INKA2: variants seen among roughly 807,000 people sequenced by gnomAD.
INKA2 encodes the protein inka box actin regulator 2.
INKA2 carries 3 observed loss-of-function variants against 9.8 expected under a neutral mutation model. The ratio of observed to expected loss-of-function variants is 0.31; its 90% CI spans 0.14 to 0.79. The LOEUF is 0.79. Ranked by LOEUF, INKA2 falls within the 30% of genes least tolerant of loss-of-function variation. The pLI is 0.62. For missense variants in INKA2, 392 were observed against 384.4 expected (o/e 1.02, Z -0.17); for synonymous variants, 147 against 143.3 (o/e 1.03, Z -0.18).
At chr1:111,735,345 A>T (rs892444379) in intron 1 of INKA2, among the ~76,000 whole-genome samples, 2 of 152,248 alleles carry the variant, frequency 1.3e-5, no homozygotes, top group African/African-American at 4.8e-5. Flanking sequence ...AGTGCCTACG[A>T]TATGACACAT....
chr1:111,743,947 T>A (rs1274491659), upstream of INKA2, among the ~76,000 whole-genome samples: 2 of 152,206 alleles, frequency 1.3e-5, no homozygotes, highest in Admixed American at 1.3e-4. Context: ...TGTTCAGATA[T>A]CACTGCGGAA....
intron 1 of INKA2, 41 bp downstream of exon 1, chr1:111,739,145 C>T (rs756706824): frequency 1.7e-5 from 27 of 1,596,038 alleles, no homozygotes; most frequent in Non-Finnish European, 2.3e-5. Flanking sequence ...CCCGTCGGGG[C>T]GGAGCAGCCC....
chr1:111,727,928 C>T, intron 1 of INKA2, 124 bp from the exon 2 acceptor site: 1 of 876,040 alleles, frequency 1.1e-6, no homozygotes, highest in Non-Finnish European at 1.9e-6. Context: ...TGCCACCAGC[C>T]CCATCTCTCT....
At chr1:111,730,038 C>G (rs146918398) in intron 1 of INKA2, among the ~76,000 whole-genome samples, 114 of 152,338 alleles carry the variant, frequency 7.5e-4, no homozygotes, top group Non-Finnish European at 1.5e-3. Flanking sequence ...AGAGTTTTCA[C>G]CAGTTGAATG....
chr1:111,727,300 G>T lies in INKA2; in HGVS notation c.562C>A (p.Arg188Ser). Residue 188 changes from arginine (R) to serine (S), a missense_variant, in exon 2 of 2, where the codon CGT becomes AGT. Arg to Ser is a moderately radical substitution (Grantham distance 110). Coordinates refer to ENST00000357260, the MANE Select transcript of INKA2 (RefSeq NM_019099.5). ...TGGCCTTTCTCTCCTTTGGGTTCAC[G>T]TGCCCCCCCAGTCTCACCCTTCTCC... ...GGEKGETGGA[R>S]EPKGEKGQPQ... is the part of the protein sequence containing the mutation. 6.2e-7 allele frequency: 1 copy of T among 1,614,106 alleles called. No individual in the cohort carries two copies. The highest frequency in any genetic ancestry group is 2.2e-5 in the East Asian group (1 of 44,884).
intron 1 of INKA2, among the ~76,000 whole-genome samples, chr1:111,730,573 A>G (rs1662883697): frequency 6.6e-6 from 1 of 152,102 alleles, no homozygotes; most frequent in Admixed American, 6.6e-5. Context: ...TGCAGTCAAG[A>G]TCCTCCAGGA....
chr1:111,749,555 C>G (rs894395801), intron 1 of INKA2, among the ~76,000 whole-genome samples: 1 of 152,234 alleles, frequency 6.6e-6, no homozygotes, highest in Non-Finnish European at 1.5e-5. Flanking sequence ...ATTTCCCTCT[C>G]TTTTCAGGAA....
At position 111,727,005 on chromosome 1, in the gene INKA2, G is replaced by A. The variant is rs1312899005; in HGVS notation, c.857C>T (p.Pro286Leu). Residue 286 changes from proline (P) to leucine (L), a missense_variant, in exon 2 of 2, where the codon CCC becomes CTC. Transcript: ENST00000357260. ...TSCPKALEHS[P>L]SGFDINTAVW... ...AGCTGTGTTAATATCAAATCCTGAGGGTGAGTGCTCCAGGGCCTTGGGGCA... is the reference window on the plus strand; with the variant it reads ...AGCTGTGTTAATATCAAATCCTGAGAGTGAGTGCTCCAGGGCCTTGGGGCA... The A allele has an allele frequency of 1.2e-6, 2 of 1,613,940 alleles. No individual in the cohort carries two copies. Among genetic ancestry groups the A allele is most frequent in the Non-Finnish European group, 8.5e-7 (1 of 1,179,994 alleles).
chr1:111,746,236 G>C (rs910452699), intron 1 of INKA2: 1 of 152,170 alleles, frequency 6.6e-6, no homozygotes, highest in Non-Finnish European at 1.5e-5. Flanking sequence ...GTGCCGGGTG[G>C]GCAGTGACTG....
chr1:111,735,213 TG>T (rs771181494), intron 1 of INKA2, among the ~76,000 whole-genome samples: 3 of 152,236 alleles, frequency 2.0e-5, no homozygotes, highest in Non-Finnish European at 4.4e-5. Context: ...TCTGTTGGTT[TG>T]TAACAATAGT....
intron 1 of INKA2, among the ~76,000 whole-genome samples, chr1:111,729,844 G>C (rs1356795119): frequency 6.6e-6 from 1 of 152,256 alleles, no homozygotes; most frequent in African/African-American, 2.4e-5. Context: ...GGGGGGATGG[G>C]AGATTCCAGC....
chr1:111,727,771 C>T lies in INKA2; in HGVS notation c.91G>A (p.Asp31Asn). ...GCACCCATCATGCAGTTCATCTGATCCTGTAAGCCATCACCCACCTCCTTC... is the reference window on the plus strand; with the variant it reads ...GCACCCATCATGCAGTTCATCTGATTCTGTAAGCCATCACCCACCTCCTTC... ...SMKEVGDGLQ[D>N]QMNCMMGALQ... Residue 31 changes from aspartate to asparagine, a missense_variant, in exon 2 of 2, where the codon GAT becomes AAT. Transcript: ENST00000357260. 2 of 1,609,992 alleles carry T rather than the reference C, an allele frequency of 1.2e-6. No individual in the cohort carries two copies. The highest frequency in any genetic ancestry group is 1.6e-4 in the Middle Eastern group (1 of 6,062).
At chr1:111,753,131 GCTCC>G (rs1483866659) in intron 1 of INKA2, 1 of 152,134 alleles carries the variant, frequency 6.6e-6, no homozygotes, top group Non-Finnish European at 1.5e-5. Flanking sequence ...CCCTCCTCTA[GCTCC>G]CTGGAAAGGC....
At chr1:111,740,762 C>T (rs1294748683), upstream of INKA2, among the ~76,000 whole-genome samples, 3 of 152,000 alleles carry the variant, frequency 2.0e-5, no homozygotes, top group African/African-American at 7.2e-5. Context: ...CACTTGAGTT[C>T]AGGAGTTCGA....
intron 1 of INKA2, chr1:111,755,132 G>A (rs1367623297): frequency 6.3e-6 from 1 of 157,608 alleles, no homozygotes; most frequent in Non-Finnish European, 1.4e-5. Flanking sequence ...GAGGTGCTGC[G>A]GAGGCGGATG....
At chr1:111,731,620 C>T (rs1234044498) in intron 1 of INKA2, among the ~76,000 whole-genome samples, 2 of 152,130 alleles carry the variant, frequency 1.3e-5, no homozygotes, top group African/African-American at 4.8e-5. Flanking sequence ...CCAAAGTGCT[C>T]GGCTAACAGG....
At chr1:111,755,601 G>A (rs976060578) in intron 1 of INKA2, 3 of 1,397,260 alleles carry the variant, frequency 2.1e-6, no homozygotes, top group African/African-American at 1.5e-5. Flanking sequence ...GGCGCCGGGG[G>A]CACGGCTGGG....
At chr1:111,752,902 G>A (rs1663441585) in intron 1 of INKA2, among the ~76,000 whole-genome samples, 1 of 152,120 alleles carries the variant, frequency 6.6e-6, no homozygotes, top group African/African-American at 2.4e-5. Context: ...GTTTCACCAT[G>A]TTAGCCAGGA....
chr1:111,742,358 G>A (rs1255683352), upstream of INKA2, among the ~76,000 whole-genome samples: 1 of 152,090 alleles, frequency 6.6e-6, no homozygotes, highest in Non-Finnish European at 1.5e-5. Context: ...AGGCCGAGGT[G>A]GGCAGATCAC....
Sources: allele counts gnomAD v4.1 joint callset (sites outside exome capture counted in the v4.1 genomes callset), GRCh38; gene constraint gnomAD v4.1.1; transcripts MANE v1.5; gene names NCBI Gene and HGNC (gene_info 2026-07-23, HGNC 2026-07-21).